B3GLCT: variants seen among roughly 807,000 people sequenced by gnomAD.
The protein encoded by B3GLCT is beta-1,3-glucosyltransferase.
Under a neutral mutation model 63.4 loss-of-function variants are expected in B3GLCT, and 65 were observed. The ratio of observed to expected loss-of-function variants is 1.03; its 90% CI spans 0.84 to 1.26. The LOEUF (loss-of-function observed/expected upper bound fraction) is 1.26. B3GLCT is among the 50% of genes most tolerant of loss of function. The pLI is 0.00. For missense variants in B3GLCT, 577 were observed against 604.8 expected, an observed-to-expected ratio of 0.95 and a Z score of 0.48; for synonymous variants, 233 against 219.2, an observed-to-expected ratio of 1.06 and a Z score of -0.55.
chr13:31,211,917 C>T (rs1026959398), intron 1 of B3GLCT, among the ~76,000 whole-genome samples: 18 of 152,156 alleles, frequency 1.2e-4, no homozygotes, highest in African/African-American at 3.9e-4. Context: ...TGTTCACATG[C>T]ACTTTGTTGT....
intron 1 of B3GLCT, among the ~76,000 whole-genome samples, chr13:31,204,925 G>A (rs1163565820): frequency 6.6e-6 from 1 of 152,148 alleles, no homozygotes. Context: ...GAAGGAGGAG[G>A]ACCAGGTTTT....
chr13:31,292,503 A>T (rs1873718695), intron 12 of B3GLCT, among the ~76,000 whole-genome samples: 1 of 152,160 alleles, frequency 6.6e-6, no homozygotes, highest in African/African-American at 2.4e-5. Flanking sequence ...TTATTGGTCT[A>T]TTCAGGGATT....
intron 12 of B3GLCT, among the ~76,000 whole-genome samples, chr13:31,308,767 A>G (rs1282300979): frequency 6.6e-6 from 1 of 152,162 alleles, no homozygotes; most frequent in African/African-American, 2.4e-5. Flanking sequence ...TTCAATAATT[A>G]TTTGGTTCTT....
At chr13:31,292,483 T>A (rs1228285001) in intron 12 of B3GLCT, among the ~76,000 whole-genome samples, 1 of 152,206 alleles carries the variant, frequency 6.6e-6, no homozygotes, top group Non-Finnish European at 1.5e-5. Flanking sequence ...TGCCTCAATT[T>A]CAGAACTTGT....
chr13:31,216,807 T>G (rs1414515838), intron 2 of B3GLCT, among the ~76,000 whole-genome samples: 1 of 152,238 alleles, frequency 6.6e-6, no homozygotes, highest in African/African-American at 2.4e-5. Flanking sequence ...CTGTGTAGTA[T>G]TCCATGGTGT....
intron 12 of B3GLCT, among the ~76,000 whole-genome samples, chr13:31,296,653 G>GGT (rs1384532534): frequency 1.3e-5 from 2 of 151,858 alleles, no homozygotes; most frequent in Non-Finnish European, 2.9e-5. Flanking sequence ...GAAAAAGAAG[G>GGT]GTCTATTTTT....
Position 31,229,168 on chromosome 13 carries a change from A to C in B3GLCT, c.161-17A>C. 6.9e-7 allele frequency: 1 copy of C among 1,458,972 alleles called. No individual in the cohort carries two copies. Among genetic ancestry groups the C allele is most frequent in the Non-Finnish European group, 9.6e-7 (1 of 1,046,242 alleles). 90.4% of individuals were successfully genotyped at this position (1,458,972 alleles called of 1,614,324 possible). A position where few individuals can be genotyped will look rare whatever the true frequency, so the allele number is the denominator to read the frequency against. ...TTGTAAAAAGAAATACCTGAAAACTATTTTTTTTTGTTCTAGACTTAAAAG... is the reference window on the plus strand; with the variant it reads ...TTGTAAAAAGAAATACCTGAAAACTCTTTTTTTTTGTTCTAGACTTAAAAG... On this transcript the variant is annotated splice_polypyrimidine_tract_variant and intron_variant, in intron 3 of 14. Transcript: ENST00000343307.
At chr13:31,278,315 T>A (rs910117754) in intron 10 of B3GLCT, among the ~76,000 whole-genome samples, 21 of 152,212 alleles carry the variant, frequency 1.4e-4, no homozygotes, top group African/African-American at 4.1e-4. Flanking sequence ...TTTTGAATAA[T>A]CTAGTTTACT....
chr13:31,251,345 C>A (rs1871418790), intron 6 of B3GLCT, among the ~76,000 whole-genome samples: 1 of 152,148 alleles, frequency 6.6e-6, no homozygotes, highest in African/African-American at 2.4e-5. Context: ...AGCAAGGGAA[C>A]AAAACTGGAT....
intron 2 of B3GLCT, among the ~76,000 whole-genome samples, chr13:31,218,931 T>TC (rs1869689084): frequency 4.2e-5 from 1 of 23,844 alleles, no homozygotes; most frequent in Non-Finnish European, 2.0e-4. Context: ...TCAGAAGCCC[T>TC]TTTTTTTTTT....
chr13:31,308,771 G>A (rs761560486), intron 12 of B3GLCT, among the ~76,000 whole-genome samples: 7 of 152,086 alleles, frequency 4.6e-5, no homozygotes, highest in Non-Finnish European at 8.8e-5. Flanking sequence ...ATAATTATTT[G>A]GTTCTTCCCT....
intron 14 of B3GLCT, among the ~76,000 whole-genome samples, chr13:31,326,639 C>T (rs1323345171): frequency 6.6e-6 from 1 of 152,090 alleles, no homozygotes; most frequent in Non-Finnish European, 1.5e-5. Context: ...ATGCCTACCA[C>T]ACTCTGTGTC....
At chr13:31,249,760 C>T (rs1462531042) in intron 6 of B3GLCT, among the ~76,000 whole-genome samples, 1 of 152,102 alleles carries the variant, frequency 6.6e-6, no homozygotes, top group Non-Finnish European at 1.5e-5. Flanking sequence ...TCTTTTGAGA[C>T]TAACAGTAAG....
intron 12 of B3GLCT, among the ~76,000 whole-genome samples, chr13:31,299,870 T>A (rs1319396129): frequency 2.6e-5 from 4 of 152,182 alleles, no homozygotes; most frequent in Admixed American, 6.5e-5. Context: ...ATCCTTTTAA[T>A]AGGCCAAGTA....
At chr13:31,254,185 G>A (rs949295601) in intron 6 of B3GLCT, among the ~76,000 whole-genome samples, 2 of 152,166 alleles carry the variant, frequency 1.3e-5, no homozygotes, top group Non-Finnish European at 2.9e-5. Context: ...TATGAGGCCA[G>A]CATCATCCTG....
chr13:31,236,987 G>A (rs770178395), intron 4 of B3GLCT, among the ~76,000 whole-genome samples: 2 of 151,990 alleles, frequency 1.3e-5, no homozygotes, highest in African/African-American at 2.4e-5. Flanking sequence ...TTAGCCGGTC[G>A]TGGTGGCCAG....
chr13:31,283,009 A>G (rs753544539), intron 10 of B3GLCT: 2 of 152,254 alleles, frequency 1.3e-5, no homozygotes, highest in Non-Finnish European at 2.9e-5. Flanking sequence ...TTTCAAAGTA[A>G]AAGAGAAAGC....
intron 12 of B3GLCT, among the ~76,000 whole-genome samples, chr13:31,308,439 T>G (rs1195390800): frequency 1.3e-5 from 2 of 151,584 alleles, no homozygotes; most frequent in East Asian, 3.9e-4. Flanking sequence ...ACTTGGCATT[T>G]ATAGGTGGAG....
At chr13:31,229,360 A>G in intron 4 of B3GLCT, 66 bp downstream of exon 4, 1 of 955,904 alleles carries the variant, frequency 1.0e-6, no homozygotes, top group Non-Finnish European at 1.7e-6. Flanking sequence ...GTTTTCCAAA[A>G]CACTGGATCC....
Sources: gnomAD v4.1 joint callset for allele counts (sites outside exome capture counted in the v4.1 genomes callset) on GRCh38, gnomAD v4.1.1 for gene constraint, MANE v1.5 for transcripts, NCBI Gene and HGNC (gene_info 2026-07-23, HGNC 2026-07-21) for gene names.